The following SPSB1 variants were observed in gnomAD, a reference collection of about 807,000 sequenced individuals.
SPSB1 encodes the protein SPRY domain-containing SOCS box protein 1.
A neutral mutation model predicts 21.2 loss-of-function variants in SPSB1; 8 were observed. The observed-to-expected ratio is 0.38, with a 90% CI of 0.22 to 0.68. SPSB1 has a LOEUF of 0.68. Ranked by LOEUF, SPSB1 falls within the 30% of genes least tolerant of loss-of-function variation. The probability of loss-of-function intolerance (pLI) is 0.53; values close to 1 mark genes in which losing one functional copy is unlikely to be tolerated. For missense variants in SPSB1, 242 were observed against 377.8 expected (o/e 0.64, Z 2.98); for synonymous variants, 169 against 161.7 (o/e 1.05, Z -0.34).
At chr1:9,295,207 TGAGA>T (rs1224287405) in intron 1 of SPSB1, among the ~76,000 whole-genome samples, 26 of 92,488 alleles carry the variant, frequency 2.8e-4, no homozygotes, top group African/African-American at 1.1e-3. Context: ...TGTGTGTGTG[TGAGA>T]GTGTGAGTGT....
chr1:9,316,699 G>A (rs959981793), intron 1 of SPSB1, among the ~76,000 whole-genome samples: 19 of 152,342 alleles, frequency 1.2e-4, no homozygotes, highest in African/African-American at 3.4e-4. Context: ...CCTGTGGCGC[G>A]GCACGGGCCT....
Position 9,345,296 on chromosome 1 carries a change from C to T in SPSB1, c.-149-10447C>T, listed in dbSNP as rs1640152174. Among the ~76,000 whole-genome samples the T allele has an allele frequency of 6.6e-6, 1 of 152,190 alleles. No homozygotes were observed. The highest frequency in any genetic ancestry group is 6.5e-5 in the Admixed American group (1 of 15,284). On this transcript the variant is annotated intron_variant, in intron 1 of 2. Transcript: ENST00000328089. This position sits in a 1 kb window ranked among gnomAD's most constrained non-coding sequence, Gnocchi z 4.8. Reference sequence around the variant, plus strand: ...GTCCCCGTGGGTACCCTGTTGGTGGCTCTTTTCTTGGAGATGGCCGTGGGG... The same window carrying T: ...GTCCCCGTGGGTACCCTGTTGGTGGTTCTTTTCTTGGAGATGGCCGTGGGG...
Position 9,367,605 on chromosome 1 carries a change from C to A in SPSB1, c.*30C>A. ...CGCCATCATACCGCCAGCGCGACAG[C>A]CACCTGGTGCCAACTCACTGAGCCG... is the stretch of plus-strand genomic sequence containing the variant. On this transcript the variant is annotated 3_prime_UTR_variant, in exon 3 of 3. Transcript: ENST00000328089. The surrounding 1 kb of genome is among the most constrained non-coding windows in gnomAD (Gnocchi z 5.9). 1 of 1,563,522 alleles carries A rather than the reference C, an allele frequency of 6.4e-7. No homozygotes were observed.
chr1:9,334,700 C>T (rs796324438), intron 1 of SPSB1, among the ~76,000 whole-genome samples: 3 of 152,250 alleles, frequency 2.0e-5, no homozygotes, highest in Non-Finnish European at 1.5e-5. Flanking sequence ...ACTGACCCCC[C>T]ATTCCTGCTC....
At chr1:9,365,099 C>T (rs1179877245) in intron 2 of SPSB1, among the ~76,000 whole-genome samples, 2 of 152,190 alleles carry the variant, frequency 1.3e-5, no homozygotes, top group Admixed American at 6.5e-5. Flanking sequence ...TCAGGTAATG[C>T]GCCGGCCTCG....
chr1:9,357,357 A>G (rs1640389666), intron 2 of SPSB1, among the ~76,000 whole-genome samples: 1 of 152,194 alleles, frequency 6.6e-6, no homozygotes, highest in South Asian at 2.1e-4. Context: ...GAATTGATGG[A>G]TAAATGGATA....
intron 1 of SPSB1, among the ~76,000 whole-genome samples, chr1:9,355,104 C>T (rs1640341001): frequency 6.6e-6 from 1 of 152,214 alleles, no homozygotes; most frequent in Non-Finnish European, 1.5e-5. Flanking sequence ...CGAGGCCTTC[C>T]CTTGAGAAGA....
intron 2 of SPSB1, among the ~76,000 whole-genome samples, chr1:9,359,111 C>T (rs979307901): frequency 6.6e-6 from 1 of 152,168 alleles, no homozygotes; most frequent in East Asian, 1.9e-4. Context: ...CACAGCCGGG[C>T]GCTATTAGTC....
At chr1:9,332,063 G>A (rs539431961) in intron 1 of SPSB1, among the ~76,000 whole-genome samples, 19 of 152,208 alleles carry the variant, frequency 1.2e-4, no homozygotes, top group African/African-American at 4.3e-4. Context: ...ATTTAAAAAA[G>A]CCTTGGCCAG....
At position 9,317,525 on chromosome 1, in the gene SPSB1, CCAGGCTGGGGACAAAGCTCACTGCGG is replaced by C. The variant is rs1639635139; in HGVS notation, c.-150+24456_-150+24481del. ...TTGAGACAGAGTCTTGCTTTGTCAC[CCAGGCTGGGGACAAAGCTCACTGCGG>C]CTTCTGCCTCCCAGGCTCGGGGATC... On this transcript the variant is annotated intron_variant, in intron 1 of 2. Coordinates refer to ENST00000328089, the MANE Select transcript of SPSB1 (RefSeq NM_025106.4). The surrounding 1 kb of genome is among the most constrained non-coding windows in gnomAD (Gnocchi z 4.3). Among the ~76,000 whole-genome samples the C allele has an allele frequency of 6.6e-6, 1 of 152,122 alleles. No homozygotes were observed. The highest frequency in any genetic ancestry group is 1.5e-5 in the Non-Finnish European group (1 of 68,024).
At chr1:9,310,979 A>T (rs1465097970) in intron 1 of SPSB1, among the ~76,000 whole-genome samples, 1 of 152,122 alleles carries the variant, frequency 6.6e-6, no homozygotes, top group Non-Finnish European at 1.5e-5. Context: ...GGAAAAATGG[A>T]ATGTTCAAAA....
In SPSB1 at chr1:9,348,973, G is replaced by A. The variant is rs549689135; in HGVS notation, c.-149-6770G>A. Among the ~76,000 whole-genome samples, 12 of 151,972 alleles carry A rather than the reference G, an allele frequency of 7.9e-5. No individual in the cohort carries two copies. The highest frequency in any genetic ancestry group is 1.9e-4 in the African/African-American group (8 of 41,368). The stretch of plus-strand genomic sequence containing the variant: ...TGTGTGTGTGTGTGTGTATATGTGC[G>A]TGTGTGCACGTGCATGTGTGTGTGT... On this transcript the variant is annotated intron_variant, in intron 1 of 2. Coordinates refer to ENST00000328089, the MANE Select transcript of SPSB1 (RefSeq NM_025106.4). This position sits in a 1 kb window ranked among gnomAD's most constrained non-coding sequence, Gnocchi z 4.8.
At chr1:9,299,499 A>G (rs957111009) in intron 1 of SPSB1, among the ~76,000 whole-genome samples, 1 of 151,646 alleles carries the variant, frequency 6.6e-6, no homozygotes, top group African/African-American at 2.4e-5. Context: ...TTTTTTTGAG[A>G]TGGATTTTTT....
chr1:9,327,060 A>G (rs1639826915), intron 1 of SPSB1, among the ~76,000 whole-genome samples: 1 of 152,144 alleles, frequency 6.6e-6, no homozygotes, highest in East Asian at 1.9e-4. Context: ...GGGCACTGGG[A>G]TGGTTCCTCA....
chr1:9,314,885 G>C lies in SPSB1; in HGVS notation c.-150+21814G>C, dbSNP rs1257434347. Among the ~76,000 whole-genome samples the C allele has an allele frequency of 4.6e-5, 7 of 152,218 alleles. 1 individual carries two copies. Among genetic ancestry groups the C allele is most frequent in the Admixed American group, 2.0e-4 (3 of 15,284 alleles). ...AGCCAGTGGGAGGCTCCAGGGCAGG[G>C]AGAGGACTGCGGCAAAGGAGAACAG... On this transcript the variant is annotated intron_variant, in intron 1 of 2. Transcript: ENST00000328089.
chr1:9,354,236 C>T (rs1640324002), intron 1 of SPSB1, among the ~76,000 whole-genome samples: 1 of 152,292 alleles, frequency 6.6e-6, no homozygotes, highest in Admixed American at 6.5e-5. Context: ...CCCCGGGTTC[C>T]TTTGGGTTCT....
At chr1:9,308,497 C>G (rs1273475539) in intron 1 of SPSB1, among the ~76,000 whole-genome samples, 1 of 152,226 alleles carries the variant, frequency 6.6e-6, no homozygotes, top group Non-Finnish European at 1.5e-5. Flanking sequence ...CTTGTTGGAG[C>G]TCCCGACAAC....
chr1:9,339,790 A>G (rs989211690), intron 1 of SPSB1, among the ~76,000 whole-genome samples: 3 of 152,094 alleles, frequency 2.0e-5, no homozygotes, highest in Non-Finnish European at 2.9e-5. Flanking sequence ...CAGCCTGTTT[A>G]TGTGCCCTGC....
rs888299580 is a variant in SPSB1 at position 9,321,304 on chromosome 1, A to C, written c.-150+28233A>C. Among the ~76,000 whole-genome samples the C allele has an allele frequency of 6.6e-6, 1 of 152,140 alleles. No homozygotes were observed. Among genetic ancestry groups the C allele is most frequent in the African/African-American group, 2.4e-5 (1 of 41,420 alleles). On this transcript the variant is annotated intron_variant, in intron 1 of 2. Coordinates refer to ENST00000328089, the MANE Select transcript of SPSB1 (RefSeq NM_025106.4). This position sits in a 1 kb window ranked among gnomAD's most constrained non-coding sequence, Gnocchi z 4.8. ...GATGGCACATCCAGGGTGAAGGAAG[A>C]ACTCCTTACAGAGAAAGCCCGTGTG...
Sources: gnomAD v4.1 joint callset for allele counts (sites outside exome capture counted in the v4.1 genomes callset) on GRCh38, gnomAD v4.1.1 for gene constraint, Gnocchi (gnomAD v3.1) non-coding constraint, MANE v1.5 for transcripts, NCBI Gene and HGNC (gene_info 2026-07-23, HGNC 2026-07-21) for gene names.